The following CSMD1 variants were observed in gnomAD, a reference collection of about 807,000 sequenced individuals.
CSMD1 encodes CUB and Sushi multiple domains 1.
In CSMD1, 213 loss-of-function variants were observed where a neutral mutation model predicts 417.5. The ratio of observed to expected loss-of-function variants is 0.51; its 90% CI spans 0.46 to 0.57. The LOEUF is 0.57. Ranked by LOEUF, CSMD1 falls within the 20% of genes least tolerant of loss-of-function variation. CSMD1 has a pLI of 0.00. For missense variants in CSMD1, 6,923 were observed against 4,529.7 expected (o/e 1.53, Z -15.17); for synonymous variants, 2,862 against 1,736.8 (o/e 1.65, Z -16.11).
chr8:4,377,939 C>A (rs1563110989), intron 3 of CSMD1, among the ~76,000 whole-genome samples: 1 of 152,000 alleles, frequency 6.6e-6, no homozygotes, highest in Admixed American at 6.6e-5. Flanking sequence ...AACAAATGGC[C>A]CTCATAATAT....
intron 4 of CSMD1, among the ~76,000 whole-genome samples, chr8:4,010,218 A>C (rs1225077567): frequency 6.6e-6 from 1 of 152,054 alleles, no homozygotes; most frequent in Admixed American, 6.6e-5. Context: ...GCCCACCCAC[A>C]TGCATCTCAT....
intron 2 of CSMD1, among the ~76,000 whole-genome samples, chr8:4,480,345 C>G (rs141107653): frequency 9.9e-5 from 15 of 152,248 alleles, no homozygotes; most frequent in Non-Finnish European, 1.8e-4. Flanking sequence ...AACTGGTTCA[C>G]CTGTTAGCTG....
intron 5 of CSMD1, among the ~76,000 whole-genome samples, chr8:3,974,011 T>G (rs539065262): frequency 9.6e-4 from 146 of 152,324 alleles, no homozygotes; most frequent in Non-Finnish European, 1.7e-3. Context: ...ATTACACTCT[T>G]TAAGTTACTT....
At chr8:4,921,334 A>G (rs769525411) in intron 1 of CSMD1, among the ~76,000 whole-genome samples, 5 of 152,182 alleles carry the variant, frequency 3.3e-5, no homozygotes, top group African/African-American at 9.7e-5. Context: ...TTCAAATTCC[A>G]TTATAAATTA....
chr8:3,416,998 T>C (rs1434316577), intron 12 of CSMD1, among the ~76,000 whole-genome samples: 1 of 152,252 alleles, frequency 6.6e-6, no homozygotes, highest in East Asian at 1.9e-4. Flanking sequence ...TATTGGATTA[T>C]ATAAGCTGAT....
intron 52 of CSMD1, among the ~76,000 whole-genome samples, chr8:3,002,006 A>G (rs1807445250): frequency 6.6e-6 from 1 of 152,212 alleles, no homozygotes; most frequent in South Asian, 2.1e-4. Context: ...ATTGCAGAGG[A>G]GAGAGACAGA....
chr8:4,219,023 GT>G (rs1800859349), intron 3 of CSMD1, among the ~76,000 whole-genome samples: 1 of 152,052 alleles, frequency 6.6e-6, no homozygotes, highest in African/African-American at 2.4e-5. Context: ...GTCACACTTT[GT>G]GTCATTTCCC....
chr8:4,812,256 T>A (rs187140559), intron 1 of CSMD1, among the ~76,000 whole-genome samples: 2 of 152,204 alleles, frequency 1.3e-5, no homozygotes, highest in South Asian at 2.1e-4. Flanking sequence ...ATTTCACAGA[T>A]GAATAGTTCT....
intron 5 of CSMD1, among the ~76,000 whole-genome samples, chr8:3,795,115 G>T (rs185367622): frequency 0.036 from 3,020 of 83,050 alleles, 759 homozygotes; most frequent in East Asian, 0.16. Flanking sequence ...TACAGCTATA[G>T]ATATCTATCA....
intron 10 of CSMD1, among the ~76,000 whole-genome samples, chr8:3,497,736 T>A (rs986224082): frequency 3.9e-5 from 6 of 152,224 alleles, no homozygotes; most frequent in Admixed American, 2.6e-4. Flanking sequence ...ATATTGCTTT[T>A]TAAATTATAT....
rs368481687 is a variant in CSMD1 at position 4,656,091 on chromosome 8, C to T, written c.86-18533G>A. Reference sequence around the variant, plus strand: ...GGGCACAGTAATGGGAAAGACAATGCTAGTCTTATGGGGGCAAAGTGTATC... The same window carrying T: ...GGGCACAGTAATGGGAAAGACAATGTTAGTCTTATGGGGGCAAAGTGTATC... On this transcript the variant is annotated intron_variant, in intron 1 of 69. Coordinates refer to ENST00000635120, the MANE Select transcript of CSMD1 (RefSeq NM_033225.6). Among the ~76,000 whole-genome samples, 166 of 152,126 alleles carry T rather than the reference C, an allele frequency of 1.1e-3. 1 individual carries two copies. The highest frequency in any genetic ancestry group is 4.0e-3 in the African/African-American group (164 of 41,454).
intron 7 of CSMD1, among the ~76,000 whole-genome samples, chr8:3,680,296 T>A (rs1233320493): frequency 6.6e-6 from 1 of 152,058 alleles, no homozygotes; most frequent in Non-Finnish European, 1.5e-5. Flanking sequence ...CTAGCAAGAC[T>A]AATAAAGAAG....
At chr8:3,984,787 G>T (rs529326178) in intron 5 of CSMD1, among the ~76,000 whole-genome samples, 2 of 144,220 alleles carry the variant, frequency 1.4e-5, no homozygotes, top group Non-Finnish European at 3.0e-5. Flanking sequence ...GTGTGTGTGG[G>T]TGTAAAGGGA....
intron 62 of CSMD1, among the ~76,000 whole-genome samples, 163 bp from the exon 63 acceptor site, chr8:2,957,970 C>CA (rs1803138990): frequency 6.6e-6 from 1 of 152,202 alleles, no homozygotes; most frequent in Non-Finnish European, 1.5e-5. Context: ...CTGCCTGCTA[C>CA]AGTGTTACAC....
At chr8:3,043,715 A>G (rs955683369) in intron 50 of CSMD1, 26 of 152,254 alleles carry the variant, frequency 1.7e-4, no homozygotes, top group African/African-American at 6.3e-4. Context: ...CTGAAAAACA[A>G]CATACCAGTT....
intron 3 of CSMD1, among the ~76,000 whole-genome samples, chr8:4,291,623 T>C (rs1797370986): frequency 6.6e-6 from 1 of 152,202 alleles, no homozygotes; most frequent in African/African-American, 2.4e-5. Flanking sequence ...GTGATATGTT[T>C]CTTTCTTAAA....
intron 12 of CSMD1, among the ~76,000 whole-genome samples, chr8:3,430,577 C>T (rs372063683): frequency 7.2e-5 from 11 of 152,200 alleles, no homozygotes; most frequent in Middle Eastern, 3.4e-3. Flanking sequence ...GAAGCTGAAG[C>T]GGGTGGATCA....
chr8:4,595,264 G>C (rs1800195937), intron 2 of CSMD1, among the ~76,000 whole-genome samples: 1 of 150,498 alleles, frequency 6.6e-6, no homozygotes, highest in African/African-American at 2.5e-5. Flanking sequence ...TCTGAGACAG[G>C]AAGGTATAAT....
At chr8:4,631,396 TTG>T (rs1432383899) in intron 2 of CSMD1, among the ~76,000 whole-genome samples, 55 of 144,972 alleles carry the variant, frequency 3.8e-4, no homozygotes, top group African/African-American at 1.3e-3. Context: ...ATACCTTGGT[TTG>T]TTTTTTTTTT....
Sources: allele counts gnomAD v4.1 joint callset (sites outside exome capture counted in the v4.1 genomes callset), GRCh38; gene constraint gnomAD v4.1.1; transcripts MANE v1.5; gene names NCBI Gene and HGNC (gene_info 2026-07-23, HGNC 2026-07-21).